Variants in ARHGEF6 observed in about 807,000 individuals in gnomAD.
The protein encoded by ARHGEF6 is Rac/Cdc42 guanine nucleotide exchange factor 6.
ARHGEF6 carries 9 observed loss-of-function variants against 70.3 expected under a neutral mutation model. The ratio of observed to expected loss-of-function variants is 0.13; its 90% CI spans 0.08 to 0.22. The LOEUF (loss-of-function observed/expected upper bound fraction) is 0.22, where lower values mean the gene tolerates loss of function less well. Ranked by LOEUF, ARHGEF6 falls within the 10% of genes least tolerant of loss-of-function variation. The pLI, the probability that ARHGEF6 is intolerant of heterozygous loss-of-function variation, is 1.00. For missense variants in ARHGEF6, 470 were observed against 563.0 expected (o/e 0.83, Z 1.67); for synonymous variants, 201 against 207.8 (o/e 0.97, Z 0.28).
chrX:136,739,500 A>AT (rs2077021500), intron 5 of ARHGEF6, among the ~76,000 whole-genome samples: 1 of 112,792 alleles, frequency 8.9e-6, no homozygotes, highest in Admixed American at 9.4e-5. Context: ...ATATTCATTC[A>AT]TTTTACAAAT....
At chrX:136,740,904 T>C (rs1297542350) in intron 5 of ARHGEF6, among the ~76,000 whole-genome samples, 1 of 111,710 alleles carries the variant, frequency 9.0e-6, no homozygotes, top group African/African-American at 3.3e-5. Context: ...ATTATATCGA[T>C]TGAAAGATGT....
At chrX:136,772,163 A>G (rs190645198) in intron 2 of ARHGEF6, among the ~76,000 whole-genome samples, 1 of 112,507 alleles carries the variant, frequency 8.9e-6, no homozygotes, top group African/African-American at 3.2e-5. Context: ...AGGTACAGAA[A>G]GACAAACATC....
intron 5 of ARHGEF6, among the ~76,000 whole-genome samples, chrX:136,743,349 A>C (rs987732508): frequency 3.6e-5 from 4 of 112,268 alleles, no homozygotes; most frequent in Non-Finnish European, 7.5e-5. Context: ...CAGTTGTCTG[A>C]GCTTTGAATT....
chrX:136,739,453 T>C (rs1038302260), intron 5 of ARHGEF6, among the ~76,000 whole-genome samples: 18 of 111,800 alleles, frequency 1.6e-4, no homozygotes, highest in Non-Finnish European at 3.2e-4. Context: ...AGGTACTCAG[T>C]GAACAAGCTG....
At chrX:136,701,702 CTTTTTTTT>C (rs762628006) in intron 9 of ARHGEF6, among the ~76,000 whole-genome samples, 4 of 68,220 alleles carry the variant, frequency 5.9e-5, no homozygotes, top group Admixed American at 1.8e-4. Flanking sequence ...TTTCATTTTT[CTTTTTTTT>C]TTTTTTTTTT....
At chrX:136,688,695 C>T (rs1247152428) in intron 10 of ARHGEF6, among the ~76,000 whole-genome samples, 2 of 111,645 alleles carry the variant, frequency 1.8e-5, no homozygotes, top group Non-Finnish European at 3.8e-5. Flanking sequence ...AACAAAAACT[C>T]AAGAGAAAAA....
chrX:136,744,826 G>A (rs1247585746), intron 4 of ARHGEF6, among the ~76,000 whole-genome samples: 1 of 111,944 alleles, frequency 8.9e-6, no homozygotes, highest in Admixed American at 9.4e-5. Context: ...AATAAAAATG[G>A]CAATAATAAT....
intron 6 of ARHGEF6, among the ~76,000 whole-genome samples, chrX:136,724,983 T>C (rs1245923572): frequency 1.8e-5 from 2 of 112,462 alleles, no homozygotes; most frequent in African/African-American, 6.5e-5. Context: ...GTGGTTGATA[T>C]AATTCACTCT....
chrX:136,690,553 T>G, intron 10 of ARHGEF6, 57 bp downstream of exon 10: 2 of 1,202,076 alleles, frequency 1.7e-6, no homozygotes, highest in Non-Finnish European at 2.3e-6. Flanking sequence ...GGCTGCGTCC[T>G]CCAGAGCACA....
At chrX:136,773,719 A>G (rs768642027) in intron 2 of ARHGEF6, among the ~76,000 whole-genome samples, 3 of 111,940 alleles carry the variant, frequency 2.7e-5, no homozygotes, top group Non-Finnish European at 5.6e-5. Flanking sequence ...AGATACTATT[A>G]ATGTCTCCAT....
chrX:136,744,788 C>T (rs187989019), intron 4 of ARHGEF6, among the ~76,000 whole-genome samples: 1 of 111,779 alleles, frequency 8.9e-6, no homozygotes, highest in African/African-American at 3.3e-5. Flanking sequence ...TAAAATCAAG[C>T]CTTCCTCATT....
chrX:136,768,324 G>T (rs1407236307), intron 2 of ARHGEF6: 3 of 112,442 alleles, frequency 2.7e-5, no homozygotes, highest in African/African-American at 9.7e-5. Context: ...AAAACATTAG[G>T]ATAGCCAGAC....
At chrX:136,763,635 G>A (rs1200203069) in intron 2 of ARHGEF6, among the ~76,000 whole-genome samples, 2 of 111,607 alleles carry the variant, frequency 1.8e-5, no homozygotes, top group Non-Finnish European at 3.8e-5. Flanking sequence ...GACCAGCCTG[G>A]CCAATATGGT....
At position 136,672,131 on chromosome X, in the gene ARHGEF6, G is replaced by T. The variant is rs758207153; in HGVS notation, c.2036-12C>A. 1 of 1,158,193 alleles carries T rather than the reference G, an allele frequency of 8.6e-7. No homozygotes were observed. Among genetic ancestry groups the T allele is most frequent in the Non-Finnish European group, 1.2e-6 (1 of 846,714 alleles). On this transcript the variant is annotated splice_polypyrimidine_tract_variant and intron_variant, in intron 19 of 21. Coordinates refer to ENST00000250617, the MANE Select transcript of ARHGEF6 (RefSeq NM_004840.3). ...ATCTTTTCGAGTACCTACAAACAAG[G>T]GTTGCAAGATGGGGGAGGAGGGAGA...
At chrX:136,733,007 T>C (rs936301382) in intron 5 of ARHGEF6, among the ~76,000 whole-genome samples, 2 of 111,755 alleles carry the variant, frequency 1.8e-5, no homozygotes, top group Non-Finnish European at 3.8e-5. Context: ...AATTATTCTC[T>C]TTTAAGTATA....
At chrX:136,699,973 C>T (rs190495711) in intron 9 of ARHGEF6, among the ~76,000 whole-genome samples, 34 of 111,154 alleles carry the variant, frequency 3.1e-4, no homozygotes, top group Admixed American at 8.6e-4. Flanking sequence ...GAGGAAGGTA[C>T]AATAGGCCAG....
chrX:136,754,923 G>T (rs1193688072), intron 2 of ARHGEF6, among the ~76,000 whole-genome samples: 1 of 111,423 alleles, frequency 9.0e-6, no homozygotes, highest in East Asian at 2.8e-4. Flanking sequence ...AGACATGAGG[G>T]TGTCTTCCCC....
chrX:136,742,464 A>C, intron 5 of ARHGEF6, among the ~76,000 whole-genome samples: 1 of 112,523 alleles, frequency 8.9e-6, no homozygotes, highest in Non-Finnish European at 1.9e-5. Flanking sequence ...TACAAAAGAA[A>C]TAATGCGCTG....
chrX:136,728,611 A>G (rs1302486375), intron 6 of ARHGEF6, among the ~76,000 whole-genome samples: 11 of 106,724 alleles, frequency 1.0e-4, no homozygotes, highest in Admixed American at 7.8e-4. Flanking sequence ...AAGCTTGGGC[A>G]GGATAGACAG....
Sources: allele counts gnomAD v4.1 joint callset (sites outside exome capture counted in the v4.1 genomes callset), GRCh38; gene constraint gnomAD v4.1.1; transcripts MANE v1.5; gene names NCBI Gene and HGNC (gene_info 2026-07-23, HGNC 2026-07-21).